The following NEBL variants were observed in gnomAD, a reference collection of about 807,000 sequenced individuals.
NEBL encodes LIM and SH3 protein 2.
NEBL carries 122 observed loss-of-function variants against 140.2 expected under a neutral mutation model. That is an observed-to-expected ratio of 0.87 (90% CI 0.75 to 1.01). The LOEUF (loss-of-function observed/expected upper bound fraction) is 1.01, where lower values mean the gene tolerates loss of function less well. Among genes scored for constraint, NEBL ranks in the 50% least tolerant of loss-of-function variants. The pLI is 0.00. For synonymous variants in NEBL, 436 were observed against 398.9 expected, an observed-to-expected ratio of 1.09 and a Z score of -1.11; for missense variants, 1,365 against 1,231.3, an observed-to-expected ratio of 1.11 and a Z score of -1.62.
At chr10:20,941,390 A>T (rs939243674) in intron 4 of NEBL, among the ~76,000 whole-genome samples, 20 of 152,322 alleles carry the variant, frequency 1.3e-4, no homozygotes, top group African/African-American at 4.8e-4. Context: ...AACAACCTTC[A>T]TGCTAAAAAC....
chr10:21,043,851 T>C (rs1242076617), intron 2 of NEBL, among the ~76,000 whole-genome samples: 2 of 152,240 alleles, frequency 1.3e-5, no homozygotes, highest in Admixed American at 6.5e-5. Context: ...TTTGTTTTTA[T>C]TATCTATTAT....
chr10:20,890,044 T>C, intron 2 of NEBL, 95 bp from the exon 3 acceptor site: 2 of 803,102 alleles, frequency 2.5e-6, no homozygotes, highest in Non-Finnish European at 4.1e-6. Flanking sequence ...GTCCATTTAC[T>C]GAAGTAAATA....
chr10:20,802,661 A>C (rs1469510544), intron 26 of NEBL, among the ~76,000 whole-genome samples: 1 of 152,202 alleles, frequency 6.6e-6, no homozygotes, highest in Non-Finnish European at 1.5e-5. Context: ...GCTCATGAAA[A>C]CCAAATGTGA....
chr10:21,201,280 C>G (rs1841730994), intron 3 of NEBL, among the ~76,000 whole-genome samples: 1 of 152,174 alleles, frequency 6.6e-6, no homozygotes, highest in Admixed American at 6.5e-5. Context: ...CTGTGTCGGG[C>G]TTTCTCTAGT....
intron 16 of NEBL, among the ~76,000 whole-genome samples, chr10:20,829,535 A>G (rs531920198): frequency 2.6e-5 from 4 of 152,124 alleles, no homozygotes; most frequent in East Asian, 1.9e-4. Flanking sequence ...ATGTATACAT[A>G]TGTAACTAAC....
chr10:21,066,088 T>C (rs771559610), intron 2 of NEBL, among the ~76,000 whole-genome samples: 22 of 152,188 alleles, frequency 1.4e-4, no homozygotes, highest in Non-Finnish European at 2.8e-4. Context: ...ATAAGCTGGA[T>C]GGAAATGGAA....
chr10:21,049,588 G>A (rs1834677449), intron 2 of NEBL, among the ~76,000 whole-genome samples: 1 of 152,016 alleles, frequency 6.6e-6, no homozygotes, highest in African/African-American at 2.4e-5. Context: ...CTCATTCCTA[G>A]AAAACACCTG....
At chr10:21,146,348 A>G in intron 2 of NEBL, 1 of 1,611,646 alleles carries the variant, frequency 6.2e-7, no homozygotes, top group Non-Finnish European at 8.5e-7. Flanking sequence ...CTACCTGTTC[A>G]TGTCTGGAAT....
At chr10:20,900,760 G>A (rs565617464), upstream of NEBL, among the ~76,000 whole-genome samples, 5 of 149,998 alleles carry the variant, frequency 3.3e-5, no homozygotes, top group East Asian at 7.9e-4. Context: ...CAGAAGAATC[G>A]CTTGAACTTG....
At chr10:20,898,576 A>G (rs765127553), upstream of NEBL, among the ~76,000 whole-genome samples, 3 of 152,294 alleles carry the variant, frequency 2.0e-5, no homozygotes, top group East Asian at 1.9e-4. Context: ...TTCTGGGGGA[A>G]AAAAGCAGGT....
intron 2 of NEBL, among the ~76,000 whole-genome samples, chr10:21,043,650 A>G (rs1464080534): frequency 6.6e-6 from 1 of 152,180 alleles, no homozygotes; most frequent in Non-Finnish European, 1.5e-5. Flanking sequence ...TAATATCATC[A>G]CCTTTCCTAG....
At position 21,119,616 on chromosome 10, in the gene NEBL, T is replaced by C. The variant is rs191214535; in HGVS notation, c.164+52767A>G. 4.6e-3 allele frequency among the ~76,000 whole-genome samples: 705 copies of C among 151,966 alleles called. 4 individuals carry two copies. Among genetic ancestry groups the C allele is most frequent in the African/African-American group, 0.015 (643 of 41,490 alleles). Reference sequence around the variant, plus strand: ...ATTTACATGTATAAATGTGAACTGCTTGAAAGTTAGTAGCAAGCATTATGA... The same window carrying C: ...ATTTACATGTATAAATGTGAACTGCCTGAAAGTTAGTAGCAAGCATTATGA... On this transcript the variant is annotated intron_variant, in intron 2 of 6. Transcript: ENST00000417816.
At position 20,826,439 on chromosome 10, in the gene NEBL, G is replaced by T; in HGVS notation, c.1869+8C>A. The T allele has an allele frequency of 6.3e-7, 1 of 1,595,692 alleles. No homozygotes were observed. The highest frequency in any genetic ancestry group is 1.1e-5 in the South Asian group (1 of 90,718). ...TAGAAAAGATAATTAATGCTGTAGA[G>T]AACTTACTGAACTAATATTCTGCTG... On this transcript the variant is annotated splice_region_variant and intron_variant, in intron 18 of 27. Transcript: ENST00000377122.
At chr10:21,026,301 A>G (rs1839028145) in intron 2 of NEBL, among the ~76,000 whole-genome samples, 1 of 148,306 alleles carries the variant, frequency 6.7e-6, no homozygotes, top group Non-Finnish European at 1.5e-5. Flanking sequence ...TCAGGAGGCC[A>G]GAAATGAGGC....
intron 2 of NEBL, among the ~76,000 whole-genome samples, chr10:21,033,752 A>G (rs1336942554): frequency 2.5e-5 from 3 of 118,636 alleles, no homozygotes; most frequent in African/African-American, 9.0e-5. Flanking sequence ...AAAAAAAAAA[A>G]AAAAGAAAGA....
At chr10:20,986,936 C>A (rs1837278801) in intron 3 of NEBL, among the ~76,000 whole-genome samples, 2 of 152,138 alleles carry the variant, frequency 1.3e-5, no homozygotes, top group South Asian at 4.1e-4. Context: ...ACAGAACCCC[C>A]AACACCCACC....
intron 4 of NEBL, among the ~76,000 whole-genome samples, chr10:20,887,569 C>G (rs1276405259): frequency 6.6e-6 from 1 of 152,020 alleles, no homozygotes; most frequent in South Asian, 2.1e-4. Flanking sequence ...CAGGTGCATG[C>G]CAACAAACGG....
intron 1 of NEBL, among the ~76,000 whole-genome samples, chr10:21,259,868 G>A (rs542760845): frequency 2.6e-5 from 4 of 152,316 alleles, no homozygotes; most frequent in African/African-American, 9.6e-5. Flanking sequence ...ACAGGAAGGT[G>A]CAAGACTTCG....
chr10:21,229,854 G>T (rs1478713681), intron 3 of NEBL, among the ~76,000 whole-genome samples: 1 of 152,196 alleles, frequency 6.6e-6, no homozygotes, highest in East Asian at 1.9e-4. Context: ...AACTGACCTG[G>T]TAAACCTCAT....
Sources: allele counts gnomAD v4.1 joint callset (sites outside exome capture counted in the v4.1 genomes callset), GRCh38; gene constraint gnomAD v4.1.1; transcripts MANE v1.5; gene names NCBI Gene and HGNC (gene_info 2026-07-23, HGNC 2026-07-21).